The following CLUH variants were observed in gnomAD, a reference collection of about 807,000 sequenced individuals.
CLUH encodes the protein CLUH binding protein of NUMT mRNA, also known as clustered mitochondria protein homolog.
In CLUH, 77 loss-of-function variants were observed where a neutral mutation model predicts 139.3. The observed-to-expected ratio is 0.55, with a 90% CI of 0.46 to 0.67. The LOEUF is 0.67. Among genes scored for constraint, CLUH ranks in the 30% least tolerant of loss-of-function variants. The pLI, the probability that CLUH is intolerant of heterozygous loss-of-function variation, is 0.00. For synonymous variants in CLUH, 999 were observed against 801.6 expected (o/e 1.25, Z -4.16); for missense variants, 1,876 against 1,875.8 (o/e 1.00, Z 0.00).
At chr17:2,709,040 C>T (rs993059897) in intron 1 of CLUH, among the ~76,000 whole-genome samples, 2 of 152,234 alleles carry the variant, frequency 1.3e-5, no homozygotes, top group African/African-American at 4.8e-5. Context: ...TCTGCATACA[C>T]GCAAACTCAG....
chr17:2,691,945 G>GCCCCCGCCCCGC (rs2069669717), intron 23 of CLUH, 50 bp from the exon 24 acceptor site: 4 of 1,172,318 alleles, frequency 3.4e-6, no homozygotes, highest in East Asian at 3.8e-5. Flanking sequence ...CCGCGGCCCC[G>GCCCCCGCCCCGC]CCCCCGCCCC....
At position 2,701,502 on chromosome 17, in the gene CLUH, C is replaced by T. The variant is rs769880098; in HGVS notation, c.763G>A (p.Val255Ile). 2.8e-5 allele frequency: 45 copies of T among 1,613,900 alleles called. No individual in the cohort carries two copies. Among genetic ancestry groups the T allele is most frequent in the Non-Finnish European group, 3.6e-5 (42 of 1,179,884 alleles). ...RDWKPLQCLK[V>I]LTMSGWNPPP... ...GGGTTCCATCCGCTCATGGTGAGTACTTTCAGGCACTGCAAGGGCTTCGGG... is the reference window on the plus strand; with the variant it reads ...GGGTTCCATCCGCTCATGGTGAGTATTTTCAGGCACTGCAAGGGCTTCGGG... The change falls in exon 6 of 26, where the codon GTA becomes ATA. Residue 255 changes from valine to isoleucine, a missense_variant. Physicochemically the swap from Val to Ile is conservative, Grantham distance 29 (BLOSUM62 3). This residue lies in a region of CLUH where 270 missense variants were observed against 354.7 expected (regional missense o/e 0.76). Coordinates refer to ENST00000651024, the MANE Select transcript of CLUH (RefSeq NM_001366661.1).
chr17:2,698,971 C>T (rs899186076), intron 9 of CLUH, among the ~76,000 whole-genome samples: 2 of 152,074 alleles, frequency 1.3e-5, no homozygotes, highest in South Asian at 2.1e-4. Flanking sequence ...TGCTTGAACC[C>T]GGGAGGTGGA....
At position 2,701,642 on chromosome 17, in the gene CLUH, G is replaced by T; in HGVS notation, c.715C>A (p.Pro239Thr). 1.9e-6 allele frequency: 3 copies of T among 1,606,872 alleles called. No homozygotes were observed. Among genetic ancestry groups the T allele is most frequent in the Non-Finnish European group, 2.5e-6 (3 of 1,176,582 alleles). The change falls in exon 5 of 26, where the codon CCC (proline) becomes ACC (threonine). Residue 239 changes from proline (P) to threonine (T), a missense_variant. Physicochemically the swap from Pro to Thr is conservative, Grantham distance 38 (BLOSUM62 -1). This residue lies in a region of CLUH where 270 missense variants were observed against 354.7 expected (regional missense o/e 0.76). Coordinates refer to ENST00000651024, the MANE Select transcript of CLUH (RefSeq NM_001366661.1). ...CAGTCACGGTTTTGGGGCTGCAGGGGACACAGTGGCCGCTCCCGGCTCCCT... is the reference window on the plus strand; with the variant it reads ...CAGTCACGGTTTTGGGGCTGCAGGGTACACAGTGGCCGCTCCCGGCTCCCT... ...LPGSRERPLCPLQPQNRDWKP... is the reference protein window; with the variant it reads ...LPGSRERPLCTLQPQNRDWKP...
intron 16 of CLUH, 122 bp from the exon 17 acceptor site, chr17:2,694,686 G>GCCCCCAAC: frequency 1.5e-6 from 2 of 1,324,382 alleles, no homozygotes; most frequent in South Asian, 2.9e-5. Flanking sequence ...CGGCCCCCGG[G>GCCCCCAAC]AGCCTCCCGG....
chr17:2,700,992 C>T, intron 7 of CLUH, 148 bp downstream of exon 7: 1 of 1,457,964 alleles, frequency 6.9e-7, no homozygotes, highest in East Asian at 2.4e-5. Context: ...GCTGTCTCGG[C>T]ACTGGCCGAC....
intron 1 of CLUH, among the ~76,000 whole-genome samples, chr17:2,709,890 C>A (rs927622524): frequency 6.6e-6 from 1 of 152,170 alleles, no homozygotes; most frequent in Non-Finnish European, 1.5e-5. Flanking sequence ...GTCCTGCCCA[C>A]GAGTATGCTC....
chr17:2,694,798 G>C, intron 16 of CLUH, 59 bp downstream of exon 16: 1 of 1,461,344 alleles, frequency 6.8e-7, no homozygotes, highest in Non-Finnish European at 9.1e-7. Flanking sequence ...CTGGGAGCAG[G>C]TGGTGGCCGC....
chr17:2,695,274 C>A lies in CLUH; in HGVS notation c.2551G>T (p.Gly851Cys). The A allele has an allele frequency of 1.2e-6, 2 of 1,613,848 alleles. No individual in the cohort carries two copies. Among genetic ancestry groups the A allele is most frequent in the Non-Finnish European group, 1.7e-6 (2 of 1,179,844 alleles). The change falls in exon 15 of 26, where the codon GGC becomes TGC. Residue 851 changes from glycine to cysteine, a missense_variant. Coordinates refer to ENST00000651024, the MANE Select transcript of CLUH (RefSeq NM_001366661.1). ...RHQLDHVFKIGIGELITRSAK... is the reference protein window; with the variant it reads ...RHQLDHVFKICIGELITRSAK... ...GAGCGGGTGATGAGTTCTCCAATGC[C>A]GATTTTCTGGAAGGATTCAGAAGGG... is the stretch of plus-strand genomic sequence containing the variant.
At chr17:2,692,914 A>T (rs1567578566) in intron 19 of CLUH, 54 bp from the exon 20 acceptor site, 1 of 1,499,700 alleles carries the variant, frequency 6.7e-7, no homozygotes, top group Non-Finnish European at 8.9e-7. Flanking sequence ...CTGCACCCAG[A>T]GCCCGCCTGG....
In CLUH at chr17:2,694,283, G is replaced by A; in HGVS notation, c.2938-7C>T. On this transcript the variant is annotated splice_polypyrimidine_tract_variant and splice_region_variant and intron_variant, in intron 17 of 25. Transcript: ENST00000651024. ...TGTACTCCTTCAGCAGGACCTGGGG[G>A]GCAGCCCCCCCACCACAGGAAGCCT... 6.3e-7 allele frequency: 1 copy of A among 1,575,824 alleles called. No individual in the cohort carries two copies. Among genetic ancestry groups the A allele is most frequent in the Non-Finnish European group, 8.6e-7 (1 of 1,158,864 alleles).
upstream of CLUH, chr17:2,711,909 A>G (rs1488056202): frequency 1.3e-5 from 2 of 152,128 alleles, no homozygotes; most frequent in African/African-American, 4.8e-5. Context: ...ACTTTCCAGA[A>G]CGTCTTAAAG....
At chr17:2,694,821 A>AAACCCCCCCCCCCCCCCCCCCC in intron 16 of CLUH, 36 bp downstream of exon 16, 1 of 1,446,332 alleles carries the variant, frequency 6.9e-7, no homozygotes, top group Non-Finnish European at 9.2e-7. Context: ...CATCTGCCCA[A>AAACCCCCCCCCCCCCCCCCCCC]TCCCACCCAC....
rs539419778 is a variant in CLUH at position 2,706,133 on chromosome 17, G to T, written c.101-1569C>A. ...CCTCCCCTTCCCCACCCGGCTCTCAGGAGCGGGGACAGGTGCCTTTCCCAG... is the reference window on the plus strand; with the variant it reads ...CCTCCCCTTCCCCACCCGGCTCTCATGAGCGGGGACAGGTGCCTTTCCCAG... On this transcript the variant is annotated intron_variant, in intron 1 of 25. Transcript: ENST00000651024. This position sits in a 1 kb window ranked among gnomAD's most constrained non-coding sequence, Gnocchi z 4.6. Among the ~76,000 whole-genome samples the T allele has an allele frequency of 3.6e-4, 54 of 152,106 alleles. No homozygotes were observed. Among genetic ancestry groups the T allele is most frequent in the Non-Finnish European group, 6.3e-4 (43 of 68,002 alleles).
At position 2,694,497 on chromosome 17, in the gene CLUH, G is replaced by C; in HGVS notation, c.2920C>G (p.Leu974Val). Reference sequence around the variant, plus strand: ...ATGCCCACCTGGATCCCTGTTTTCAGCGAGATCTCCCGCAGGAGCGTTATC... The same window carrying C: ...ATGCCCACCTGGATCCCTGTTTTCACCGAGATCTCCCGCAGGAGCGTTATC... ...QKITLLREIS[L>V]KTGIQVLLKE... The change falls in exon 17 of 26, where the codon CTG (leucine) becomes GTG (valine). Residue 974 changes from leucine to valine, a missense_variant. Around this residue, in one of 3 missense-constraint regions of CLUH, gnomAD observed 1,454 missense variants for 1,384.4 expected, o/e 1.05. Coordinates refer to ENST00000651024, the MANE Select transcript of CLUH (RefSeq NM_001366661.1). 6.3e-7 allele frequency: 1 copy of C among 1,581,454 alleles called. No homozygotes were observed. The highest frequency in any genetic ancestry group is 8.6e-7 in the Non-Finnish European group (1 of 1,164,080).
chr17:2,701,044 G>A (rs530775393), intron 7 of CLUH, 96 bp downstream of exon 7: 52 of 1,584,994 alleles, frequency 3.3e-5, no homozygotes, highest in Middle Eastern at 1.8e-4. Flanking sequence ...GGCCCAGGGC[G>A]GTTTCTTCAG....
At chr17:2,700,630 C>T (rs1162880179) in intron 8 of CLUH, 48 bp downstream of exon 8, 1 of 1,519,680 alleles carries the variant, frequency 6.6e-7, no homozygotes, top group Non-Finnish European at 8.8e-7. Context: ...AGCCCAGCAC[C>T]CAGGAGGGCA....
intron 20 of CLUH, 41 bp from the exon 21 acceptor site, chr17:2,692,737 C>T: frequency 1.9e-6 from 3 of 1,600,752 alleles, no homozygotes; most frequent in Non-Finnish European, 2.6e-6. Flanking sequence ...GCCGCGGACC[C>T]AGCCCCTCGC....
chr17:2,703,331 C>T lies in CLUH; in HGVS notation c.462G>A (p.Leu154=). The T allele has an allele frequency of 6.2e-7, 1 of 1,611,654 alleles. No homozygotes were observed. Residue 154 remains leucine, a synonymous_variant, in exon 3 of 26, where the codon CTG becomes CTA. Transcript: ENST00000651024. This position sits in a 1 kb window ranked among gnomAD's most constrained non-coding sequence, Gnocchi z 4.2. ...TTCCAGACCAACCTTCCACCACACG[C>T]AGCACAGAGCCCTCCTGCAGCCCCT... ...SVEGLQEGSV[L]RVVEEPYTVR... is the part of the protein sequence containing the mutation.
Sources: gnomAD v4.1 joint callset for allele counts (sites outside exome capture counted in the v4.1 genomes callset) on GRCh38, gnomAD v4.1.1 for gene constraint, gnomAD v4.1.1 regional missense constraint, Gnocchi (gnomAD v3.1) non-coding constraint, MANE v1.5 for transcripts, NCBI Gene and HGNC (gene_info 2026-07-23, HGNC 2026-07-21) for gene names.